Variants in RPUSD3 observed in about 807,000 individuals in gnomAD.
RPUSD3 encodes the protein mitochondrial mRNA pseudouridine synthase RPUSD3.
In RPUSD3, 36 loss-of-function variants were observed where a neutral mutation model predicts 35.1. The observed-to-expected ratio is 1.02, with a 90% CI of 0.79 to 1.35. The LOEUF (loss-of-function observed/expected upper bound fraction) is 1.35. Among genes scored for constraint, RPUSD3 ranks in the 40% most tolerant of loss-of-function variants. The pLI, the probability that RPUSD3 is intolerant of heterozygous loss-of-function variation, is 0.00. For synonymous variants in RPUSD3, 202 were observed against 187.8 expected (o/e 1.08, Z -0.62); for missense variants, 486 against 441.9 (o/e 1.10, Z -0.89).
chr3:9,839,041 G>A, exon 8 of RPUSD3: 1 of 1,614,122 alleles, frequency 6.2e-7, no homozygotes, highest in Non-Finnish European at 8.5e-7. Context: ...CCTGTCTTTG[G>A]GGCTTGTTGT....
intron 4 of RPUSD3, 58 bp downstream of exon 4, chr3:9,841,925 T>C: frequency 7.1e-7 from 1 of 1,404,728 alleles, no homozygotes; most frequent in Non-Finnish European, 9.9e-7. Context: ...CAAGCAGCTG[T>C]TTCCCCACCA....
At chr3:9,838,236 G>T in intron 8 of RPUSD3, 29 bp from the exon 9 acceptor site, 2 of 1,607,782 alleles carry the variant, frequency 1.2e-6, no homozygotes, top group Non-Finnish European at 8.5e-7. Flanking sequence ...GTTGTGTTCA[G>T]CCCCACATTT....
At chr3:9,843,257 T>C in intron 2 of RPUSD3, 4 of 649,440 alleles carry the variant, frequency 6.2e-6, no homozygotes, top group Non-Finnish European at 5.3e-6. Context: ...CGGTAGTTAT[T>C]TGCATCTTCT....
rs760236509 is a variant in RPUSD3 at position 9,838,098 on chromosome 3, C to T, written c.974G>A (p.Arg325Lys). ...TGCCAGGAGCTCAACAGGGGTGTCC[C>T]TGGCCCTGGTGCCTGGGAGAAGGAG... Residue 325 changes from arginine (R) to lysine (K), a missense_variant, in exon 9 of 9, where the codon AGG becomes AAG. Physicochemically the swap from Arg to Lys is conservative, Grantham distance 26. Transcript: ENST00000383820. 1.7e-5 allele frequency: 27 copies of T among 1,612,584 alleles called. 1 individual carries two copies. The South Asian group carries it at 2.3e-4, about 14-fold the overall frequency.
rs2082114753 is a variant in RPUSD3 at position 9,842,196 on chromosome 3, T to C, written c.307+3A>G. On this transcript the variant is annotated splice_donor_region_variant and intron_variant, in intron 3 of 8. Transcript: ENST00000383820. The stretch of plus-strand genomic sequence containing the variant: ...ATTCCCTTCCCACATCCCCGGCCCA[T>C]ACCTGTCACTGGTAGACCCTGTGGC... The C allele has an allele frequency of 6.8e-6, 11 of 1,613,914 alleles. No homozygotes were observed. The highest frequency in any genetic ancestry group is 8.5e-6 in the Non-Finnish European group (10 of 1,179,818).
chr3:9,842,266 A>G (rs897093064), intron 2 of RPUSD3, 23 bp from the exon 3 acceptor site: 10 of 1,613,910 alleles, frequency 6.2e-6, no homozygotes, highest in Non-Finnish European at 8.5e-6. Flanking sequence ...TCACACGAAC[A>G]TCAGCAAAAG....
At chr3:9,837,870 C>T in exon 9 of RPUSD3, 1 of 787,624 alleles carries the variant, frequency 1.3e-6, no homozygotes. Flanking sequence ...CTTTTATTAT[C>T]ACAAGTCCAG....
At chr3:9,838,103 C>A in exon 9 of RPUSD3, 1 of 1,612,554 alleles carries the variant, frequency 6.2e-7, no homozygotes, top group Non-Finnish European at 8.5e-7. Context: ...TGTCCCTGGC[C>A]CTGGTGCCTG....
Position 9,840,825 on chromosome 3 carries a change from C to G in RPUSD3, c.408-20G>C, listed in dbSNP as rs2082093399. The G allele has an allele frequency of 1.3e-6, 2 of 1,597,582 alleles. No individual in the cohort carries two copies. The highest frequency in any genetic ancestry group is 1.3e-5 in the African/African-American group (1 of 74,336). ...CTTTCTCTGGAATAAGCAGACAAAT[C>G]ACACAAGTTAAAGTCCCTTGAACTC... On this transcript the variant is annotated intron_variant, in intron 4 of 8. Transcript: ENST00000383820.
rs1434690833 is a variant in RPUSD3, at chr3:9,837,871, A to G, written c.*145T>C. On this transcript the variant is annotated 3_prime_UTR_variant, in exon 9 of 9. Coordinates refer to ENST00000383820, the Ensembl canonical transcript of RPUSD3. ...ACATGAGGTAGGAACTTTTATTATCACAAGTCCAGAGAGGTAAAGTTACTT... is the reference window on the plus strand; with the variant it reads ...ACATGAGGTAGGAACTTTTATTATCGCAAGTCCAGAGAGGTAAAGTTACTT... 5 of 791,688 alleles carry G rather than the reference A, an allele frequency of 6.3e-6. No individual in the cohort carries two copies. The Admixed American group carries it at 1.3e-4, about 20-fold the overall frequency. 49.0% of individuals were successfully genotyped at this position (791,688 alleles called of 1,614,324 possible). A position where few individuals can be genotyped will look rare whatever the true frequency, so the allele number is the denominator to read the frequency against.
At chr3:9,838,120 G>A (rs2082048296) in exon 9 of RPUSD3, 1 of 1,612,590 alleles carries the variant, frequency 6.2e-7, no homozygotes, top group Non-Finnish European at 8.5e-7. Flanking sequence ...CCTGGGAGAA[G>A]GAGCCGATGT....
intron 4 of RPUSD3, chr3:9,841,664 G>A: frequency 4.8e-6 from 1 of 207,934 alleles, no homozygotes; most frequent in South Asian, 1.1e-4. Context: ...CCAGAGATGG[G>A]GTCTATTTTG....
At chr3:9,842,275 A>C in intron 2 of RPUSD3, 32 bp from the exon 3 acceptor site, 1 of 1,612,090 alleles carries the variant, frequency 6.2e-7, no homozygotes, top group Non-Finnish European at 8.5e-7. Flanking sequence ...CATCAGCAAA[A>C]GCAACGGTAA....
chr3:9,839,380 C>G (rs548528829), intron 7 of RPUSD3: 1 of 535,218 alleles, frequency 1.9e-6, no homozygotes, highest in African/African-American at 1.9e-5. Context: ...GCTGTGGGAT[C>G]CACTCATGAT....
At chr3:9,842,468 C>T (rs553538664) in intron 2 of RPUSD3, 349 of 597,122 alleles carry the variant, frequency 5.8e-4, no homozygotes, top group Non-Finnish European at 9.0e-4. Context: ...AGGTCTGGCT[C>T]CCTATCATCT....
Position 9,838,922 on chromosome 3 carries a change from A to G in RPUSD3, c.864+110T>C, listed in dbSNP as rs1057366172. 1.4e-5 allele frequency: 21 copies of G among 1,477,698 alleles called. No individual in the cohort carries two copies. The East Asian group carries it at 4.4e-4, about 31-fold the overall frequency. 91.5% of individuals were successfully genotyped at this position (1,477,698 alleles called of 1,614,324 possible). A position where few individuals can be genotyped will look rare whatever the true frequency, so the allele number is the denominator to read the frequency against. On this transcript the variant is annotated intron_variant, in intron 8 of 8. Coordinates refer to ENST00000383820, the Ensembl canonical transcript of RPUSD3. Reference sequence around the variant, plus strand: ...TACGGATACAGCCTTGGGAGCCAAAAGGGCTGCCTCCCAGTAGTCCCAAGC... The same window carrying G: ...TACGGATACAGCCTTGGGAGCCAAAGGGGCTGCCTCCCAGTAGTCCCAAGC...
chr3:9,842,327 C>T (rs6766249), intron 2 of RPUSD3, 84 bp from the exon 3 acceptor site: 22 of 1,305,762 alleles, frequency 1.7e-5, no homozygotes, highest in African/African-American at 1.5e-4. Context: ...CACTTTCTCA[C>T]GCATCTTAGC....
At chr3:9,838,152 T>G (rs1011859341) in exon 9 of RPUSD3, 2 of 1,612,146 alleles carry the variant, frequency 1.2e-6, no homozygotes, top group Non-Finnish European at 8.5e-7. Context: ...CAAGGGCAGC[T>G]GGGCAGCCTG....
At chr3:9,838,358 A>T in intron 8 of RPUSD3, 151 bp from the exon 9 acceptor site, 1 of 754,990 alleles carries the variant, frequency 1.3e-6, no homozygotes, top group Admixed American at 2.7e-5. Context: ...ACAGATGTGC[A>T]CATTCACACA....
Sources: allele counts gnomAD v4.1 joint callset, GRCh38; gene constraint gnomAD v4.1.1; transcripts MANE v1.5; gene names NCBI Gene and HGNC (gene_info 2026-07-23, HGNC 2026-07-21).